The following NCKAP5 variants were observed in gnomAD, a reference collection of about 807,000 sequenced individuals.
NCKAP5 encodes the protein NCK associated protein 5, also known as nck-associated protein 5.
A neutral mutation model predicts 167.0 loss-of-function variants in NCKAP5; 92 were observed. The ratio of observed to expected loss-of-function variants is 0.55; its 90% CI spans 0.47 to 0.66. The LOEUF (loss-of-function observed/expected upper bound fraction) is 0.66. Among genes scored for constraint, NCKAP5 ranks in the 30% least tolerant of loss-of-function variants. NCKAP5 has a pLI of 0.00. For synonymous variants in NCKAP5, 891 were observed against 877.4 expected, an observed-to-expected ratio of 1.02 and a Z score of -0.27; for missense variants, 2,378 against 2,315.0, an observed-to-expected ratio of 1.03 and a Z score of -0.56.
chr2:132,911,177 G>T, intron 8 of NCKAP5: 1 of 204,038 alleles, frequency 4.9e-6, no homozygotes, highest in South Asian at 9.9e-5. Flanking sequence ...AACTGCACAT[G>T]ATTCATGGAT....
intron 3 of NCKAP5, among the ~76,000 whole-genome samples, chr2:133,371,510 G>A (rs536167384): frequency 3.9e-5 from 6 of 152,240 alleles, no homozygotes; most frequent in South Asian, 2.1e-4. Context: ...AATGATGTCC[G>A]CTTCAGAAGT....
chr2:133,357,468 T>C (rs1684819892), intron 3 of NCKAP5, among the ~76,000 whole-genome samples: 1 of 152,168 alleles, frequency 6.6e-6, no homozygotes, highest in South Asian at 2.1e-4. Flanking sequence ...ATTAGAATAA[T>C]TTCTGTAATA....
chr2:133,171,491 G>C (rs1240269380), intron 5 of NCKAP5, among the ~76,000 whole-genome samples: 1 of 152,158 alleles, frequency 6.6e-6, no homozygotes, highest in Non-Finnish European at 1.5e-5. Context: ...CCAAGAGAGA[G>C]GTCTGGTTCC....
At chr2:133,374,391 G>A (rs980209297) in intron 3 of NCKAP5, among the ~76,000 whole-genome samples, 3 of 152,226 alleles carry the variant, frequency 2.0e-5, no homozygotes, top group African/African-American at 4.8e-5. Flanking sequence ...TGAAACTACT[G>A]TATATTGTAG....
At chr2:132,988,165 G>A (rs796595078) in intron 7 of NCKAP5, among the ~76,000 whole-genome samples, 12 of 152,058 alleles carry the variant, frequency 7.9e-5, no homozygotes, top group African/African-American at 2.9e-4. Context: ...CTGTTCTAAG[G>A]GTTTCACTTG....
intron 3 of NCKAP5, among the ~76,000 whole-genome samples, chr2:133,409,352 C>G (rs902483123): frequency 1.3e-5 from 2 of 152,192 alleles, no homozygotes; most frequent in East Asian, 3.8e-4. Context: ...TAGAAGCAGA[C>G]GCTAAACATC....
At chr2:132,974,852 A>T (rs2076933828) in intron 7 of NCKAP5, among the ~76,000 whole-genome samples, 1 of 152,238 alleles carries the variant, frequency 6.6e-6, no homozygotes. Context: ...ATAGTTAATG[A>T]TGACACAATT....
At chr2:133,213,675 T>G in intron 5 of NCKAP5, 41 bp downstream of exon 5, 1 of 1,604,574 alleles carries the variant, frequency 6.2e-7, no homozygotes, top group Non-Finnish European at 8.5e-7. Flanking sequence ...GCCAGAGACC[T>G]CTGGATGTTG....
rs113769252 is a variant in NCKAP5 at position 133,198,439 on chromosome 2, T to C, written c.207+15277A>G. Among the ~76,000 whole-genome samples, 156 of 152,246 alleles carry C rather than the reference T, an allele frequency of 1.0e-3. 4 individuals are homozygous for C. The highest frequency in any genetic ancestry group is 3.6e-3 in the African/African-American group (151 of 41,566). On this transcript the variant is annotated intron_variant, in intron 5 of 19. Coordinates refer to ENST00000409261, the MANE Select transcript of NCKAP5 (RefSeq NM_207363.3). The stretch of plus-strand genomic sequence containing the variant: ...TGGGGAAGAATAACTCTAATGACTG[T>C]AGGTTTCTCTTTAGAAATCATGGAA...
At chr2:133,248,072 T>C (rs1431043605) in intron 4 of NCKAP5, among the ~76,000 whole-genome samples, 1 of 152,192 alleles carries the variant, frequency 6.6e-6, no homozygotes, top group Non-Finnish European at 1.5e-5. Context: ...TGTTATTACT[T>C]AGGAAGGAAG....
intron 5 of NCKAP5, among the ~76,000 whole-genome samples, chr2:133,170,970 A>G (rs1440244865): frequency 2.6e-5 from 4 of 152,220 alleles, no homozygotes; most frequent in Non-Finnish European, 5.9e-5. Context: ...CTGATCTAGT[A>G]TACATACATA....
chr2:132,786,166 C>T (rs1234692010), intron 13 of NCKAP5, among the ~76,000 whole-genome samples: 1 of 151,934 alleles, frequency 6.6e-6, no homozygotes, highest in Admixed American at 6.6e-5. Context: ...ATAGGTTTGC[C>T]GTAGGTTAAA....
At chr2:133,188,817 C>T (rs1245623215) in intron 5 of NCKAP5, among the ~76,000 whole-genome samples, 1 of 151,914 alleles carries the variant, frequency 6.6e-6, no homozygotes, top group Non-Finnish European at 1.5e-5. Flanking sequence ...CACTAAATGC[C>T]CACAAGAGAA....
At chr2:133,352,093 C>T (rs565371312) in intron 3 of NCKAP5, among the ~76,000 whole-genome samples, 6 of 152,188 alleles carry the variant, frequency 3.9e-5, no homozygotes, top group Non-Finnish European at 5.9e-5. Flanking sequence ...CCCCATAGCT[C>T]GTCACCTCTC....
At chr2:132,864,363 AG>A (rs752369251) in intron 10 of NCKAP5, among the ~76,000 whole-genome samples, 1 of 143,862 alleles carries the variant, frequency 7.0e-6, no homozygotes, top group African/African-American at 2.6e-5. Flanking sequence ...AAAAAAAAAA[AG>A]GTACAGTGGT....
At chr2:133,538,899 T>A (rs1475475418) in intron 2 of NCKAP5, among the ~76,000 whole-genome samples, 1 of 149,578 alleles carries the variant, frequency 6.7e-6, no homozygotes, top group African/African-American at 2.5e-5. Context: ...TGTACCTAGT[T>A]TTTTTTTGGT....
At chr2:132,966,506 G>T (rs764572590) in intron 7 of NCKAP5, among the ~76,000 whole-genome samples, 12 of 152,090 alleles carry the variant, frequency 7.9e-5, no homozygotes, top group Non-Finnish European at 1.8e-4. Context: ...TAGTGAATTC[G>T]TGTCATTCAC....
chr2:133,587,324 A>G, the NCKAP5 span, among the ~76,000 whole-genome samples: 1 of 152,146 alleles, frequency 6.6e-6, no homozygotes. Context: ...AAGTGCTCAG[A>G]ACAATGCCTG....
intron 4 of NCKAP5, among the ~76,000 whole-genome samples, chr2:133,282,880 A>G (rs2089979167): frequency 6.6e-6 from 1 of 152,198 alleles, no homozygotes; most frequent in Non-Finnish European, 1.5e-5. Context: ...TTTCCTCAGT[A>G]CTGGCAGCAA....
Sources: gnomAD v4.1 joint callset for allele counts (sites outside exome capture counted in the v4.1 genomes callset) on GRCh38, gnomAD v4.1.1 for gene constraint, MANE v1.5 for transcripts, NCBI Gene and HGNC (gene_info 2026-07-23, HGNC 2026-07-21) for gene names.